Variants in LINGO2 observed in about 807,000 individuals in gnomAD.
LINGO2 encodes leucine rich repeat and Ig domain containing 2.
LINGO2 carries 14 observed loss-of-function variants against 30.6 expected under a neutral mutation model. The ratio of observed to expected loss-of-function variants is 0.46; its 90% CI spans 0.30 to 0.72. The LOEUF (loss-of-function observed/expected upper bound fraction) is 0.72, where lower values mean the gene tolerates loss of function less well. Among genes scored for constraint, LINGO2 ranks in the 30% least tolerant of loss-of-function variants. The pLI is 0.07. For missense variants in LINGO2, 729 were observed against 751.7 expected (o/e 0.97, Z 0.35); for synonymous variants, 317 against 288.5 (o/e 1.10, Z -1.00).
intron 1 of LINGO2, among the ~76,000 whole-genome samples, chr9:28,661,302 T>C (rs992674380): frequency 6.6e-6 from 1 of 152,152 alleles, no homozygotes; most frequent in Non-Finnish European, 1.5e-5. Context: ...TCCTGTTGTA[T>C]CTGTCAGAAA....
chr9:28,027,597 C>T (rs141575493), intron 4 of LINGO2, among the ~76,000 whole-genome samples: 1 of 152,144 alleles, frequency 6.6e-6, no homozygotes, highest in Non-Finnish European at 1.5e-5. Flanking sequence ...TGTTTCACCA[C>T]TTTCTTAGTA....
the LINGO2 span, among the ~76,000 whole-genome samples, chr9:28,835,240 C>A: frequency 1.3e-5 from 2 of 152,076 alleles, no homozygotes; most frequent in Non-Finnish European, 2.9e-5. Context: ...ATATCTGACC[C>A]AAAGCAAGAG....
intron 4 of LINGO2, among the ~76,000 whole-genome samples, chr9:28,167,463 C>G (rs1828463616): frequency 6.6e-6 from 1 of 152,232 alleles, no homozygotes; most frequent in African/African-American, 2.4e-5. Flanking sequence ...TCACTGCAAC[C>G]TCCACCTCCA....
At chr9:28,491,964 G>A (rs1452205724) in intron 1 of LINGO2, among the ~76,000 whole-genome samples, 1 of 152,124 alleles carries the variant, frequency 6.6e-6, no homozygotes, top group East Asian at 1.9e-4. Flanking sequence ...TTGTATTGTT[G>A]GCAACTGAAC....
the LINGO2 span, among the ~76,000 whole-genome samples, chr9:28,997,804 C>T: frequency 6.7e-6 from 1 of 149,372 alleles, no homozygotes; most frequent in Non-Finnish European, 1.5e-5. Flanking sequence ...GCCTGGGCAA[C>T]AGAGCAAGAC....
intron 1 of LINGO2, among the ~76,000 whole-genome samples, chr9:28,514,262 T>C (rs1377804956): frequency 1.3e-5 from 2 of 152,118 alleles, no homozygotes; most frequent in Admixed American, 1.3e-4. Context: ...CTACAATGGC[T>C]TCTAAGTGTT....
intron 4 of LINGO2, among the ~76,000 whole-genome samples, chr9:28,054,936 G>A (rs1457957183): frequency 1.3e-5 from 2 of 152,018 alleles, no homozygotes; most frequent in African/African-American, 2.4e-5. Context: ...ATACTACAAA[G>A]CTACAGTCTT....
chr9:28,586,236 C>T (rs1824532276), intron 1 of LINGO2, among the ~76,000 whole-genome samples: 2 of 151,842 alleles, frequency 1.3e-5, no homozygotes, highest in South Asian at 4.2e-4. Flanking sequence ...AAAACAAGTT[C>T]TATAAGTCTC....
chr9:28,085,819 A>G (rs1825896498), intron 4 of LINGO2, among the ~76,000 whole-genome samples: 1 of 152,100 alleles, frequency 6.6e-6, no homozygotes, highest in Non-Finnish European at 1.5e-5. Context: ...GAAGGGAGGC[A>G]AAGAAAGGGA....
chr9:28,450,739 A>G (rs549195268), intron 2 of LINGO2, among the ~76,000 whole-genome samples: 26 of 152,184 alleles, frequency 1.7e-4, no homozygotes, highest in African/African-American at 6.0e-4. Flanking sequence ...GGGTTGAAGT[A>G]TGACTATTAA....
intron 4 of LINGO2, among the ~76,000 whole-genome samples, chr9:28,102,057 A>C (rs1441333196): frequency 6.6e-6 from 1 of 152,064 alleles, no homozygotes; most frequent in African/African-American, 2.4e-5. Context: ...CCCACTGAGC[A>C]TTTTGAATGC....
chr9:28,384,186 AC>A (rs1821477295), intron 2 of LINGO2, among the ~76,000 whole-genome samples: 1 of 150,882 alleles, frequency 6.6e-6, no homozygotes, highest in African/African-American at 2.4e-5. Context: ...TAATGAGCAA[AC>A]CTGCCACTCA....
chr9:29,189,426 G>T, the LINGO2 span, among the ~76,000 whole-genome samples: 3 of 151,386 alleles, frequency 2.0e-5, no homozygotes, highest in African/African-American at 7.3e-5. Flanking sequence ...GGGGCGGCCG[G>T]GCAGAGACGC....
intron 5 of LINGO2, among the ~76,000 whole-genome samples, chr9:27,996,058 T>C (rs1044862955): frequency 3.9e-5 from 6 of 152,120 alleles, no homozygotes; most frequent in Non-Finnish European, 8.8e-5. Context: ...ATTACTCATC[T>C]GGGAAATACA....
intron 4 of LINGO2, among the ~76,000 whole-genome samples, chr9:28,088,111 A>G (rs1193632399): frequency 6.6e-6 from 1 of 151,942 alleles, no homozygotes; most frequent in African/African-American, 2.4e-5. Flanking sequence ...ATTAATCTGA[A>G]CATCTGTTTT....
chr9:27,983,609 G>A lies in LINGO2; in HGVS notation c.-36+28746C>T, dbSNP rs75926234. On this transcript the variant is annotated intron_variant, in intron 5 of 5. Coordinates refer to ENST00000379992, the Ensembl canonical transcript of LINGO2. ...CAGTCATTGTATCTTACTATGAAAA[G>A]CCTTGATTTCCATATTAATAAAAGA... is the stretch of plus-strand genomic sequence containing the variant. Among the ~76,000 whole-genome samples the A allele has an allele frequency of 2.2e-4, 34 of 151,898 alleles. 1 individual carries two copies. In the East Asian group the frequency reaches 5.4e-3, roughly 24 times the overall value.
chr9:28,280,330 A>C (rs1823274397), intron 4 of LINGO2, among the ~76,000 whole-genome samples: 1 of 152,122 alleles, frequency 6.6e-6, no homozygotes, highest in Non-Finnish European at 1.5e-5. Flanking sequence ...TATGTTCAAA[A>C]GTACAATTTA....
At chr9:27,983,645 A>G (rs1054758809) in intron 5 of LINGO2, among the ~76,000 whole-genome samples, 2 of 151,882 alleles carry the variant, frequency 1.3e-5, no homozygotes, top group Non-Finnish European at 2.9e-5. Context: ...AAGCAAATAA[A>G]GAATCAGAGA....
intron 2 of LINGO2, among the ~76,000 whole-genome samples, chr9:28,392,852 G>C (rs1198568616): frequency 1.4e-4 from 21 of 152,318 alleles, no homozygotes; most frequent in Admixed American, 1.4e-3. Context: ...TAGGCCAGAA[G>C]CTGCAGACAA....
Sources: gnomAD v4.1 joint callset for allele counts (sites outside exome capture counted in the v4.1 genomes callset) on GRCh38, gnomAD v4.1.1 for gene constraint, MANE v1.5 for transcripts, NCBI Gene and HGNC (gene_info 2026-07-23, HGNC 2026-07-21) for gene names.